TENM3: variants seen among roughly 807,000 people sequenced by gnomAD.
TENM3 encodes teneurin transmembrane protein 3, also known as teneurin-3.
In TENM3, 63 loss-of-function variants were observed where a neutral mutation model predicts 255.1. That is an observed-to-expected ratio of 0.25 (90% CI 0.20 to 0.30). TENM3 has a LOEUF of 0.30. Among genes scored for constraint, TENM3 ranks in the 10% least tolerant of loss-of-function variants. TENM3 has a pLI of 1.00. For synonymous variants in TENM3, 1,306 were observed against 1,322.3 expected (o/e 0.99, Z 0.27); for missense variants, 2,929 against 3,461.1 (o/e 0.85, Z 3.86).
At chr4:182,050,193 G>A in the TENM3 span, among the ~76,000 whole-genome samples, 69 of 151,968 alleles carry the variant, frequency 4.5e-4, no homozygotes, top group African/African-American at 1.4e-3. Context: ...GGGTTTTGCC[G>A]TGTTGGCCAG....
the TENM3 span, among the ~76,000 whole-genome samples, chr4:181,678,216 T>C: frequency 6.6e-6 from 1 of 152,062 alleles, no homozygotes; most frequent in African/African-American, 2.4e-5. Context: ...TATATGTACA[T>C]TTTGAATTGT....
chr4:182,059,147 A>G, the TENM3 span, among the ~76,000 whole-genome samples: 1 of 152,140 alleles, frequency 6.6e-6, no homozygotes, highest in Admixed American at 6.6e-5. Flanking sequence ...ACGAAAACTG[A>G]GAACACAGCT....
At chr4:181,797,314 A>G in the TENM3 span, among the ~76,000 whole-genome samples, 3 of 152,052 alleles carry the variant, frequency 2.0e-5, no homozygotes, top group African/African-American at 4.8e-5. Flanking sequence ...GCCAATACAT[A>G]ATGGTGAAAG....
the TENM3 span, among the ~76,000 whole-genome samples, chr4:181,703,267 C>T: frequency 2.0e-5 from 3 of 152,208 alleles, no homozygotes. Flanking sequence ...ATAGAAATGG[C>T]AGGATCCCTT....
the TENM3 span, among the ~76,000 whole-genome samples, chr4:182,014,102 G>A: frequency 0.025 from 2,442 of 97,848 alleles, 75 homozygotes; most frequent in South Asian, 0.034. Context: ...GTGTATATAC[G>A]TATATACACA....
chr4:181,690,850 T>C, the TENM3 span, among the ~76,000 whole-genome samples: 1 of 152,206 alleles, frequency 6.6e-6, no homozygotes, highest in East Asian at 1.9e-4. Flanking sequence ...TCATTTGTCA[T>C]TTTGCATCTG....
intron 3 of TENM3, among the ~76,000 whole-genome samples, chr4:182,565,047 C>T (rs1036978129): frequency 6.6e-6 from 1 of 152,122 alleles, no homozygotes; most frequent in Non-Finnish European, 1.5e-5. Context: ...AGTATCCATA[C>T]ATTATTTGGC....
chr4:182,010,799 A>G, the TENM3 span, among the ~76,000 whole-genome samples: 3 of 152,250 alleles, frequency 2.0e-5, no homozygotes, highest in Non-Finnish European at 2.9e-5. Context: ...GCAAGGTCCT[A>G]TATGTCATGC....
chr4:182,116,660 T>A, the TENM3 span, among the ~76,000 whole-genome samples: 1 of 152,218 alleles, frequency 6.6e-6, no homozygotes, highest in South Asian at 2.1e-4. Context: ...CTTTGTAAAT[T>A]ACCCAGTCTC....
chr4:181,491,488 A>C, the TENM3 span, among the ~76,000 whole-genome samples: 15 of 152,040 alleles, frequency 9.9e-5, no homozygotes, highest in Non-Finnish European at 1.8e-4. Flanking sequence ...AAGACCAGAT[A>C]ATTAGAAATG....
the TENM3 span, among the ~76,000 whole-genome samples, chr4:181,850,229 G>A: frequency 1.3e-5 from 2 of 150,978 alleles, no homozygotes; most frequent in Non-Finnish European, 2.9e-5. Flanking sequence ...CTATTTCTCA[G>A]TAACCCTTTC....
At chr4:181,528,936 T>C in the TENM3 span, among the ~76,000 whole-genome samples, 1 of 152,172 alleles carries the variant, frequency 6.6e-6, no homozygotes, top group Non-Finnish European at 1.5e-5. Flanking sequence ...GGCATATATA[T>C]AGTTGATATA....
chr4:182,223,783 C>CAAAAA lies in TENM3; in HGVS notation c.-76+79043_-76+79047dup, dbSNP rs61535632. Among the ~76,000 whole-genome samples the CAAAAA allele has an allele frequency of 1.8e-3, 205 of 112,910 alleles. 1 individual carries two copies. The highest frequency in any genetic ancestry group is 5.8e-3 in the African/African-American group (171 of 29,450). 74.1% of individuals were successfully genotyped at this position (112,910 alleles called of 152,430 possible). On this transcript the variant is annotated intron_variant, in intron 1 of 2. Transcript: ENST00000512480. Reference sequence around the variant, plus strand: ...ACTGCTGCAAATGGAGATAGATTGGCAAAAAAAAAAAAAAAAAAGGAATGG... The same window carrying CAAAAA: ...ACTGCTGCAAATGGAGATAGATTGGCAAAAAAAAAAAAAAAAAAAAAAAGGAATGG...
chr4:182,363,994 G>C (rs935390424), intron 3 of TENM3, among the ~76,000 whole-genome samples: 1 of 152,016 alleles, frequency 6.6e-6, no homozygotes, highest in African/African-American at 2.4e-5. Context: ...ATTGTGACTG[G>C]AGTACCATTG....
intron 5 of TENM3, among the ~76,000 whole-genome samples, chr4:182,634,707 T>TAAA (rs11395245): frequency 6.6e-4 from 77 of 116,368 alleles, no homozygotes; most frequent in Non-Finnish European, 8.9e-4. Flanking sequence ...ACTCTGAAAT[T>TAAA]AAAAAAAAAA....
At chr4:182,395,018 A>T (rs1226720197) in intron 3 of TENM3, among the ~76,000 whole-genome samples, 1 of 152,198 alleles carries the variant, frequency 6.6e-6, no homozygotes, top group Non-Finnish European at 1.5e-5. Flanking sequence ...GTGGCAGATC[A>T]TTCAATATAT....
chr4:182,081,760 T>C, the TENM3 span: 1 of 152,240 alleles, frequency 6.6e-6, no homozygotes, highest in South Asian at 2.1e-4. Flanking sequence ...GCATACCTGA[T>C]ACTTTTAAGT....
At chr4:182,449,010 C>A (rs928590854) in intron 3 of TENM3, 3 of 389,498 alleles carry the variant, frequency 7.7e-6, no homozygotes, top group African/African-American at 2.2e-5. Context: ...TAACACGATA[C>A]GCTCCAGACC....
At chr4:182,755,800 A>G (rs1015504900) in intron 22 of TENM3, among the ~76,000 whole-genome samples, 28 of 152,080 alleles carry the variant, frequency 1.8e-4, no homozygotes, top group Admixed American at 5.2e-4. Flanking sequence ...AGATCGCGCC[A>G]CTGCACTCCA....
Sources: allele counts gnomAD v4.1 joint callset (sites outside exome capture counted in the v4.1 genomes callset), GRCh38; gene constraint gnomAD v4.1.1; transcripts MANE v1.5; gene names NCBI Gene and HGNC (gene_info 2026-07-23, HGNC 2026-07-21).